Variants in CNTN5 observed in about 807,000 individuals in gnomAD.
CNTN5 encodes the protein contactin 5.
In CNTN5, 77 loss-of-function variants were observed where a neutral mutation model predicts 129.1. The observed-to-expected ratio is 0.60, with a 90% CI of 0.50 to 0.72. The LOEUF (loss-of-function observed/expected upper bound fraction) is 0.72. CNTN5 is among the 30% of genes least tolerant of loss of function. The pLI, the probability that CNTN5 is intolerant of heterozygous loss-of-function variation, is 0.00. For synonymous variants in CNTN5, 509 were observed against 465.6 expected, an observed-to-expected ratio of 1.09 and a Z score of -1.20; for missense variants, 1,478 against 1,328.8, an observed-to-expected ratio of 1.11 and a Z score of -1.75.
intron 3 of CNTN5, among the ~76,000 whole-genome samples, chr11:99,574,471 G>A (rs1227533954): frequency 6.6e-6 from 1 of 152,162 alleles, no homozygotes; most frequent in Non-Finnish European, 1.5e-5. Context: ...AGATCCTTGA[G>A]GAATTGCCAC....
intron 2 of CNTN5, among the ~76,000 whole-genome samples, chr11:99,459,551 A>G (rs1944615885): frequency 6.6e-6 from 1 of 152,056 alleles, no homozygotes; most frequent in Non-Finnish European, 1.5e-5. Flanking sequence ...TGCTGCATGC[A>G]AGGAATAAAA....
chr11:99,157,355 A>AT (rs1179309927), intron 1 of CNTN5, among the ~76,000 whole-genome samples: 2 of 152,170 alleles, frequency 1.3e-5, no homozygotes, highest in East Asian at 3.9e-4. Flanking sequence ...AAAAATCAGT[A>AT]TATGCATTTC....
At chr11:99,979,935 A>G (rs938073036) in intron 8 of CNTN5, among the ~76,000 whole-genome samples, 2 of 152,172 alleles carry the variant, frequency 1.3e-5, no homozygotes, top group South Asian at 2.1e-4. Context: ...TTCAACTTCC[A>G]TGAGTCAAAC....
intron 3 of CNTN5, among the ~76,000 whole-genome samples, chr11:99,618,805 T>G (rs1950839488): frequency 6.6e-6 from 1 of 152,192 alleles, no homozygotes; most frequent in Admixed American, 6.5e-5. Context: ...ATGCATTGCA[T>G]GCCTGTACCA....
intron 2 of CNTN5, among the ~76,000 whole-genome samples, chr11:99,453,488 T>C (rs1944385597): frequency 6.6e-6 from 1 of 152,200 alleles, no homozygotes; most frequent in African/African-American, 2.4e-5. Flanking sequence ...CAAGATTTCT[T>C]TTGTCTAACA....
chr11:99,399,966 T>C (rs1941715765), intron 2 of CNTN5, among the ~76,000 whole-genome samples: 1 of 152,102 alleles, frequency 6.6e-6, no homozygotes, highest in African/African-American at 2.4e-5. Context: ...ATGGAGTATC[T>C]ATCCCCTCAA....
chr11:99,062,675 G>T (rs954260891), intron 1 of CNTN5, among the ~76,000 whole-genome samples: 5 of 151,616 alleles, frequency 3.3e-5, no homozygotes, highest in African/African-American at 1.2e-4. Flanking sequence ...CATTGAAGGG[G>T]GTACATTATC....
At chr11:99,576,495 A>G (rs1050077424) in intron 3 of CNTN5, among the ~76,000 whole-genome samples, 1 of 152,166 alleles carries the variant, frequency 6.6e-6, no homozygotes, top group African/African-American at 2.4e-5. Context: ...TAAAAATGTA[A>G]TGAATACTAC....
Position 100,261,045 on chromosome 11 carries a change from C to A in CNTN5, c.2164+5127C>A, listed in dbSNP as rs368079016. Among the ~76,000 whole-genome samples, 6 of 152,252 alleles carry A rather than the reference C, an allele frequency of 3.9e-5. No homozygotes were observed. In the South Asian group the frequency reaches 6.2e-4, roughly 16 times the overall value. On this transcript the variant is annotated intron_variant, in intron 17 of 24. Coordinates refer to ENST00000524871, the MANE Select transcript of CNTN5 (RefSeq NM_014361.4). ...ATGACATGACTGTATATTTAGAAAA[C>A]CCCATTGTCTCAGCCCAAAACCTCC...
chr11:99,292,540 C>T (rs909457619), intron 1 of CNTN5, among the ~76,000 whole-genome samples: 6 of 152,120 alleles, frequency 3.9e-5, no homozygotes, highest in African/African-American at 1.4e-4. Context: ...GCATCCTTGT[C>T]TTGTTCCAAA....
At chr11:100,318,114 G>A (rs906495832) in intron 21 of CNTN5, among the ~76,000 whole-genome samples, 1 of 151,750 alleles carries the variant, frequency 6.6e-6, no homozygotes, top group African/African-American at 2.4e-5. Flanking sequence ...GGTGGTGGGC[G>A]CCTGTAGTCC....
chr11:99,439,862 A>G (rs1441616390), intron 2 of CNTN5, among the ~76,000 whole-genome samples: 1 of 152,164 alleles, frequency 6.6e-6, no homozygotes, highest in African/African-American at 2.4e-5. Flanking sequence ...AATGAAATAC[A>G]TTAGTATTTG....
rs575596024 is a variant in CNTN5, at chr11:99,727,498, ATAT to A, written c.56-92042_56-92040del. Among the ~76,000 whole-genome samples, 102 of 152,058 alleles carry A rather than the reference ATAT, an allele frequency of 6.7e-4. 2 individuals carry two copies. Among genetic ancestry groups the A allele is most frequent in the South Asian group, 6.2e-3 (30 of 4,810 alleles). On this transcript the variant is annotated intron_variant, in intron 3 of 24. Transcript: ENST00000524871. Reference sequence around the variant, plus strand: ...ACTAAATATAATTTTCATAGTTATTATATTATCCCATCCTTAATTGTTTCATAG... The same window carrying A: ...ACTAAATATAATTTTCATAGTTATTATATCCCATCCTTAATTGTTTCATAG...
At chr11:100,273,956 A>G (rs1236793407) in intron 18 of CNTN5, among the ~76,000 whole-genome samples, 1 of 152,226 alleles carries the variant, frequency 6.6e-6, no homozygotes, top group Non-Finnish European at 1.5e-5. Flanking sequence ...GCAACATGTT[A>G]CCCAACTTCA....
chr11:99,780,309 C>T (rs1444321600), intron 3 of CNTN5, among the ~76,000 whole-genome samples: 1 of 151,942 alleles, frequency 6.6e-6, no homozygotes, highest in African/African-American at 2.4e-5. Flanking sequence ...TGAAGAAGAT[C>T]AGGGTAAGAG....
intron 2 of CNTN5, among the ~76,000 whole-genome samples, chr11:99,455,439 G>GT (rs556595093): frequency 1.5e-3 from 215 of 147,468 alleles, no homozygotes; most frequent in Middle Eastern, 3.5e-3. Context: ...AAAATATGTA[G>GT]TTTTTTTTTT....
intron 2 of CNTN5, among the ~76,000 whole-genome samples, chr11:99,532,187 G>T (rs1947736266): frequency 6.6e-6 from 1 of 152,148 alleles, no homozygotes; most frequent in Admixed American, 6.5e-5. Context: ...GCGTGACCTG[G>T]TTGTGAGACC....
At chr11:100,295,293 G>A (rs1337797866) in intron 18 of CNTN5, among the ~76,000 whole-genome samples, 1 of 151,494 alleles carries the variant, frequency 6.6e-6, no homozygotes, top group Non-Finnish European at 1.5e-5. Context: ...TAAAACAAAT[G>A]TTTTTAAAAC....
intron 1 of CNTN5, among the ~76,000 whole-genome samples, chr11:99,074,531 A>G (rs950214658): frequency 5.3e-5 from 8 of 152,160 alleles, no homozygotes; most frequent in African/African-American, 1.9e-4. Flanking sequence ...ATTTATAGAG[A>G]CTGGGTCTCT....
Sources: gnomAD v4.1 joint callset for allele counts (sites outside exome capture counted in the v4.1 genomes callset) on GRCh38, gnomAD v4.1.1 for gene constraint, MANE v1.5 for transcripts, NCBI Gene and HGNC (gene_info 2026-07-23, HGNC 2026-07-21) for gene names.